The following IL4R variants were observed in gnomAD, a reference collection of about 807,000 sequenced individuals.
IL4R encodes the protein interleukin-4 receptor subunit alpha.
In IL4R, 17 loss-of-function variants were observed where a neutral mutation model predicts 41.5. The observed-to-expected ratio is 0.41, with a 90% CI of 0.28 to 0.61. The LOEUF (loss-of-function observed/expected upper bound fraction) is 0.61. Ranked by LOEUF, IL4R falls within the 20% of genes least tolerant of loss-of-function variation. The probability of loss-of-function intolerance (pLI) is 0.31; values close to 1 mark genes in which losing one functional copy is unlikely to be tolerated. For missense variants in IL4R, 974 were observed against 1,043.1 expected (o/e 0.93, Z 0.91); for synonymous variants, 402 against 422.9 (o/e 0.95, Z 0.61).
At chr16:27,334,671 G>A (rs1346015080) in intron 2 of IL4R, among the ~76,000 whole-genome samples, 2 of 152,082 alleles carry the variant, frequency 1.3e-5, no homozygotes, top group African/African-American at 4.8e-5. Flanking sequence ...AGTTGTGAGA[G>A]TAAAAGTTAC....
chr16:27,349,245 G>A (rs2085777826), intron 6 of IL4R, among the ~76,000 whole-genome samples: 1 of 152,178 alleles, frequency 6.6e-6, no homozygotes, highest in African/African-American at 2.4e-5. Flanking sequence ...CTAAGCAGTG[G>A]GCACCTAAAC....
chr16:27,356,185 G>A (rs375795082), intron 8 of IL4R, among the ~76,000 whole-genome samples: 15 of 149,346 alleles, frequency 1.0e-4, no homozygotes, highest in East Asian at 3.9e-4. Flanking sequence ...TCCGCCTCCC[G>A]GGTTCAAGCA....
intron 1 of IL4R, among the ~76,000 whole-genome samples, chr16:27,324,772 G>C (rs936400863): frequency 6.6e-6 from 1 of 152,202 alleles, no homozygotes; most frequent in Non-Finnish European, 1.5e-5. Context: ...CCTGTTGACT[G>C]TGTGGACTCA....
At chr16:27,333,524 C>T (rs2085170511) in intron 2 of IL4R, among the ~76,000 whole-genome samples, 1 of 152,142 alleles carries the variant, frequency 6.6e-6, no homozygotes, top group African/African-American at 2.4e-5. Flanking sequence ...GTTATTTGGC[C>T]TCTCTGGCCT....
intron 2 of IL4R, among the ~76,000 whole-genome samples, chr16:27,333,199 CTT>C (rs60009498): frequency 3.5e-5 from 5 of 142,856 alleles, no homozygotes; most frequent in Admixed American, 7.1e-5. Flanking sequence ...TCGGGTGACT[CTT>C]TTTTTTTTTT....
intron 1 of IL4R, among the ~76,000 whole-genome samples, chr16:27,324,380 C>G (rs980817759): frequency 2.0e-5 from 3 of 152,172 alleles, no homozygotes; most frequent in Non-Finnish European, 4.4e-5. Flanking sequence ...GATGACCAAC[C>G]AGGCCTCCCT....
chr16:27,349,786 A>G (rs921126847), intron 6 of IL4R, among the ~76,000 whole-genome samples: 3 of 152,130 alleles, frequency 2.0e-5, no homozygotes, highest in Non-Finnish European at 2.9e-5. Flanking sequence ...GTCTCACTCT[A>G]TCACCCAGGC....
chr16:27,339,604 G>T (rs559162450), intron 2 of IL4R, among the ~76,000 whole-genome samples: 5 of 151,452 alleles, frequency 3.3e-5, no homozygotes, highest in East Asian at 3.9e-4. Context: ...AGAGAAACAT[G>T]TGTAGAGGGT....
chr16:27,352,890 A>G (rs943479079), intron 7 of IL4R, among the ~76,000 whole-genome samples, 194 bp downstream of exon 7: 4 of 152,172 alleles, frequency 2.6e-5, no homozygotes, highest in Non-Finnish European at 5.9e-5. Context: ...ACAAGCCCAC[A>G]ATTTCCATGG....
chr16:27,349,029 G>C (rs895468718), intron 6 of IL4R, among the ~76,000 whole-genome samples: 6 of 152,184 alleles, frequency 3.9e-5, no homozygotes, highest in African/African-American at 1.2e-4. Flanking sequence ...ATGAAGTCCA[G>C]CTTCTCTTGT....
chr16:27,356,579 G>A (rs1478460251), intron 8 of IL4R, among the ~76,000 whole-genome samples: 1 of 152,132 alleles, frequency 6.6e-6, no homozygotes, highest in Admixed American at 6.6e-5. Context: ...AAAATTTGAG[G>A]GGGGCCCTGA....
chr16:27,345,152 C>A lies in IL4R; in HGVS notation c.361+132C>A. The A allele has an allele frequency of 1.0e-6, 1 of 996,420 alleles. No homozygotes were observed. Among genetic ancestry groups the A allele is most frequent in the Non-Finnish European group, 1.5e-6 (1 of 653,706 alleles). The allele number at this position is 996,420 out of a possible 1,614,324, so 61.7% of individuals were successfully genotyped here. A position where few individuals can be genotyped will look rare whatever the true frequency, so the allele number is the denominator to read the frequency against. On this transcript the variant is annotated intron_variant, in intron 5 of 10. Transcript: ENST00000395762. This position sits in a 1 kb window ranked among gnomAD's most constrained non-coding sequence, Gnocchi z 4.5. ...GGAAGCCGCCTGTATTTTCCCAAAT[C>A]TGATGGGATTCCTGCCCCTGCCTGG...
At chr16:27,344,328 C>A (rs969479034) in intron 4 of IL4R, among the ~76,000 whole-genome samples, 5 of 110,488 alleles carry the variant, frequency 4.5e-5, no homozygotes, top group South Asian at 2.8e-4. Flanking sequence ...AAACAAAAAA[C>A]AAAAAACTCG....
intron 1 of IL4R, among the ~76,000 whole-genome samples, chr16:27,328,751 A>T (rs1246696156): frequency 6.6e-6 from 1 of 152,108 alleles, no homozygotes; most frequent in South Asian, 2.1e-4. Context: ...GTTACCTATT[A>T]TACTCCCAAC....
chr16:27,340,349 C>T (rs2085401609), intron 3 of IL4R, 76 bp downstream of exon 3: 1 of 1,095,904 alleles, frequency 9.1e-7, no homozygotes. Context: ...GTCACCTGGC[C>T]TTATGGAGAT....
chr16:27,324,944 C>T (rs550510872), intron 1 of IL4R, among the ~76,000 whole-genome samples: 9 of 152,304 alleles, frequency 5.9e-5, no homozygotes, highest in South Asian at 2.1e-4. Flanking sequence ...CCCCACCAAG[C>T]GCCACCAAGT....
intron 7 of IL4R, among the ~76,000 whole-genome samples, chr16:27,353,340 A>T (rs2085945085): frequency 6.6e-6 from 1 of 151,096 alleles, no homozygotes; most frequent in Admixed American, 6.6e-5. Context: ...AAATAAATAC[A>T]ATGAAATAAA....
intron 1 of IL4R, among the ~76,000 whole-genome samples, chr16:27,315,033 T>G (rs1340793811): frequency 6.6e-6 from 1 of 152,042 alleles, no homozygotes; most frequent in Non-Finnish European, 1.5e-5. Flanking sequence ...ACCACTAGTT[T>G]GTCTGCTTCT....
At chr16:27,360,920 T>A in intron 10 of IL4R, 105 bp downstream of exon 10, 1 of 1,606,294 alleles carries the variant, frequency 6.2e-7, no homozygotes, top group Non-Finnish European at 8.5e-7. Flanking sequence ...CTGCATTCGG[T>A]AATTGCCCTG....
Sources: allele counts gnomAD v4.1 joint callset (sites outside exome capture counted in the v4.1 genomes callset), GRCh38; gene constraint gnomAD v4.1.1; non-coding constraint Gnocchi (gnomAD v3.1); transcripts MANE v1.5; gene names NCBI Gene and HGNC (gene_info 2026-07-23, HGNC 2026-07-21).